SCIMP: variants seen among roughly 807,000 people sequenced by gnomAD.
SCIMP encodes the protein SLP adapter and CSK-interacting membrane protein.
SCIMP carries 18 observed loss-of-function variants against 22.0 expected under a neutral mutation model. The ratio of observed to expected loss-of-function variants is 0.82; its 90% CI spans 0.56 to 1.21. The LOEUF (loss-of-function observed/expected upper bound fraction) is 1.21. Among genes scored for constraint, SCIMP ranks in the 50% most tolerant of loss-of-function variants. The pLI, the probability that SCIMP is intolerant of heterozygous loss-of-function variation, is 0.00. For synonymous variants in SCIMP, 53 were observed against 62.2 expected, an observed-to-expected ratio of 0.85 and a Z score of 0.70; for missense variants, 155 against 171.2, an observed-to-expected ratio of 0.91 and a Z score of 0.53.
chr17:5,234,533 C>G (rs1227386772), intron 1 of SCIMP: 5 of 607,120 alleles, frequency 8.2e-6, no homozygotes, highest in Non-Finnish European at 1.5e-5. Flanking sequence ...CCTCAGGTCA[C>G]TCAGCCAGTT....
chr17:5,225,317 T>C (rs1396489208), intron 1 of SCIMP, among the ~76,000 whole-genome samples: 18 of 151,996 alleles, frequency 1.2e-4, no homozygotes, highest in Admixed American at 1.2e-3. Context: ...ATACAAAAAT[T>C]AGCTGGGTGT....
chr17:5,223,542 T>A (rs2144329987), intron 1 of SCIMP, 86 bp from the exon 2 acceptor site: 2 of 1,368,576 alleles, frequency 1.5e-6, no homozygotes, highest in East Asian at 2.3e-5. Context: ...TACTGTGGGT[T>A]GTTTTTTTTT....
In SCIMP at chr17:5,231,826, G is replaced by A. The variant is rs551603653; in HGVS notation, c.21+2909C>T. Among the ~76,000 whole-genome samples, 31 of 152,220 alleles carry A rather than the reference G, an allele frequency of 2.0e-4. 1 individual carries two copies. The South Asian group carries it at 5.8e-3, about 29-fold the overall frequency. On this transcript the variant is annotated intron_variant, in intron 1 of 4. Transcript: ENST00000574081. ...TCCCAGCACTTTGGGAGGCTGAGGC[G>A]GGCGGATCACGAGGTCAGGAGATCA...
At chr17:5,213,259 CTT>C (rs11409123) in intron 4 of SCIMP, 3,157 of 864,016 alleles carry the variant, frequency 3.7e-3, no homozygotes, top group South Asian at 7.7e-3. Flanking sequence ...TTTTCCATCC[CTT>C]TTTTTTTTTT....
chr17:5,221,770 T>C (rs556186623), intron 2 of SCIMP, among the ~76,000 whole-genome samples: 1 of 152,310 alleles, frequency 6.6e-6, no homozygotes, highest in African/African-American at 2.4e-5. Flanking sequence ...TATTTGAGAA[T>C]GGAAACTATT....
intron 2 of SCIMP, 44 bp downstream of exon 2, chr17:5,223,289 C>A (rs1456599183): frequency 1.2e-6 from 2 of 1,609,738 alleles, no homozygotes; most frequent in African/African-American, 2.7e-5. Context: ...CACCGATAAC[C>A]ACCTGGCTCC....
chr17:5,227,195 C>T (rs1416849888), intron 1 of SCIMP, among the ~76,000 whole-genome samples: 1 of 151,846 alleles, frequency 6.6e-6, no homozygotes, highest in Non-Finnish European at 1.5e-5. Flanking sequence ...AATCCTAGCA[C>T]TTCAGGAGGC....
intron 1 of SCIMP, among the ~76,000 whole-genome samples, chr17:5,232,074 C>A (rs868172144): frequency 2.9e-5 from 4 of 139,562 alleles, no homozygotes; most frequent in South Asian, 2.2e-4. Flanking sequence ...AAAAAAAAAA[C>A]TGGTCACCTC....
intron 3 of SCIMP, 177 bp from the exon 4 acceptor site, chr17:5,215,175 C>T (rs55970915): frequency 1.8e-6 from 1 of 545,178 alleles, no homozygotes; most frequent in South Asian, 2.5e-5. Context: ...AATTGGCACC[C>T]TAATGAAACC....
At position 5,223,360 on chromosome 17, in the gene SCIMP, A is replaced by G. The variant is rs2074622569; in HGVS notation, c.118T>C (p.Cys40Arg). The change falls in exon 2 of 5, where the codon TGT (cysteine) becomes CGT (arginine). Residue 40 changes from cysteine to arginine, a missense_variant. Cys to Arg is a radical substitution (Grantham distance 180). Coordinates refer to ENST00000574081, the MANE Select transcript of SCIMP (RefSeq NM_207103.3). ...VSVGLGLILY[C>R]VCKWQLRRGK... ...CGTCTAAGCTGCCACTTACAGACAC[A>G]GTACAGGATGAGGCCCAGACCCACA... The G allele has an allele frequency of 6.2e-7, 1 of 1,613,910 alleles. No individual in the cohort carries two copies. Among genetic ancestry groups the G allele is most frequent in the African/African-American group, 1.3e-5 (1 of 75,030 alleles).
intron 4 of SCIMP, chr17:5,213,955 A>G (rs1281247210): frequency 6.6e-6 from 1 of 152,222 alleles, no homozygotes; most frequent in Non-Finnish European, 1.5e-5. Context: ...CAGTGAGGCT[A>G]TATGTGGCCA....
At chr17:5,217,609 G>A (rs930295984) in intron 3 of SCIMP, among the ~76,000 whole-genome samples, 4 of 125,668 alleles carry the variant, frequency 3.2e-5, no homozygotes, top group African/African-American at 1.3e-4. Flanking sequence ...TCCCCTTCCT[G>A]TGTCCATGTG....
intron 1 of SCIMP, among the ~76,000 whole-genome samples, chr17:5,227,292 AACACAC>A (rs10681110): frequency 0.043 from 6,142 of 144,312 alleles, 239 homozygotes; most frequent in African/African-American, 0.1. Flanking sequence ...ACACACACAC[AACACAC>A]ACACACACAC....
intron 3 of SCIMP, among the ~76,000 whole-genome samples, chr17:5,217,489 G>A (rs2074574148): frequency 6.6e-6 from 1 of 151,808 alleles, no homozygotes; most frequent in Non-Finnish European, 1.5e-5. Flanking sequence ...GTATACGTGT[G>A]CCATGTTGAT....
intron 1 of SCIMP, among the ~76,000 whole-genome samples, chr17:5,227,188 C>G (rs2074655526): frequency 6.6e-6 from 1 of 151,894 alleles, no homozygotes; most frequent in Non-Finnish European, 1.5e-5. Context: ...TGCTTGTAAT[C>G]CTAGCACTTC....
At chr17:5,223,243 C>T in intron 2 of SCIMP, 90 bp downstream of exon 2, 2 of 1,412,598 alleles carry the variant, frequency 1.4e-6, no homozygotes, top group Non-Finnish European at 2.0e-6. Flanking sequence ...CATTCAGGCC[C>T]AGGATTGATT....
chr17:5,219,706 T>C (rs2074591884), intron 3 of SCIMP, among the ~76,000 whole-genome samples: 1 of 152,120 alleles, frequency 6.6e-6, no homozygotes, highest in Non-Finnish European at 1.5e-5. Flanking sequence ...AATAATGTGG[T>C]TTATGGTGAA....
chr17:5,232,348 A>ATATAAACAGTGCAGTGTAAACAGTGCAG lies in SCIMP; in HGVS notation c.21+2359_21+2386dup, dbSNP rs953529257. 1.0e-3 allele frequency among the ~76,000 whole-genome samples: 35 copies of ATATAAACAGTGCAGTGTAAACAGTGCAG among 34,424 alleles called. 2 individuals carry two copies. In the East Asian group the frequency reaches 0.013, roughly 13 times the overall value. 22.6% of individuals were successfully genotyped at this position (34,424 alleles called of 152,430 possible). On this transcript the variant is annotated intron_variant, in intron 1 of 4. Transcript: ENST00000574081. ...TGTGGGGGACTAAGAAAGGGGTGGA[A>ATATAAACAGTGCAGTGTAAACAGTGCAG]TATAAACAGTGCAGTGTAAACAGTG... is the stretch of plus-strand genomic sequence containing the variant.
At chr17:5,223,503 C>G (rs1227619106) in intron 1 of SCIMP, 47 bp from the exon 2 acceptor site, 6 of 1,606,490 alleles carry the variant, frequency 3.7e-6, no homozygotes, top group Admixed American at 3.4e-5. Flanking sequence ...GAAAGATATC[C>G]TGGGGTTGGG....
Sources: allele counts gnomAD v4.1 joint callset (sites outside exome capture counted in the v4.1 genomes callset), GRCh38; gene constraint gnomAD v4.1.1; transcripts MANE v1.5; gene names NCBI Gene and HGNC (gene_info 2026-07-23, HGNC 2026-07-21).